The following ULK4 variants were observed in gnomAD, a reference collection of about 807,000 sequenced individuals.
ULK4 encodes inactive serine/threonine-protein kinase ULK4.
ULK4 carries 133 observed loss-of-function variants against 160.6 expected under a neutral mutation model. That is an observed-to-expected ratio of 0.83 (90% CI 0.72 to 0.96). The LOEUF (loss-of-function observed/expected upper bound fraction) is 0.96, where lower values mean the gene tolerates loss of function less well. ULK4 is among the 40% of genes least tolerant of loss of function. ULK4 has a pLI of 0.00. For synonymous variants in ULK4, 534 were observed against 539.8 expected (o/e 0.99, Z 0.15); for missense variants, 1,580 against 1,499.5 (o/e 1.05, Z -0.89).
rs868606517 is a variant in ULK4 at position 41,659,572 on chromosome 3, A to C, written c.3071+4035T>G. ...CACAATGGCAACATTGCAAAGTTTA[A>C]TGAGTTTTGATGGCAAGACTTGCAG... On this transcript the variant is annotated intron_variant, in intron 30 of 36. Coordinates refer to ENST00000301831, the MANE Select transcript of ULK4 (RefSeq NM_017886.4). 3.3e-5 allele frequency among the ~76,000 whole-genome samples: 5 copies of C among 152,216 alleles called. No homozygotes were observed. The East Asian group carries it at 9.6e-4, about 29-fold the overall frequency.
intron 18 of ULK4, among the ~76,000 whole-genome samples, chr3:41,834,940 T>C (rs1186023001): frequency 1.3e-5 from 2 of 152,216 alleles, no homozygotes. Flanking sequence ...TATATATTAA[T>C]ATATGTAAAT....
chr3:41,654,452 A>G (rs2034858282), intron 30 of ULK4, among the ~76,000 whole-genome samples: 1 of 152,238 alleles, frequency 6.6e-6, no homozygotes, highest in South Asian at 2.1e-4. Flanking sequence ...AATCTCAGTG[A>G]AAGAATACAA....
chr3:41,493,638 G>A (rs557267267), intron 32 of ULK4, among the ~76,000 whole-genome samples: 2 of 146,680 alleles, frequency 1.4e-5, no homozygotes, highest in Non-Finnish European at 3.0e-5. Context: ...GGGAATCCAG[G>A]AGCTGGTTTT....
intron 35 of ULK4, among the ~76,000 whole-genome samples, chr3:41,353,537 T>C (rs902737431): frequency 3.3e-5 from 5 of 151,908 alleles, no homozygotes; most frequent in African/African-American, 9.7e-5. Flanking sequence ...GTGTGGTAGC[T>C]CATGACTGTA....
rs149463198 is a variant in ULK4 at position 41,269,565 on chromosome 3, C to A, written c.3679-19991G>T. Among the ~76,000 whole-genome samples the A allele has an allele frequency of 1.2e-4, 19 of 152,228 alleles. No individual in the cohort carries two copies. In the East Asian group the frequency reaches 2.1e-3, roughly 17 times the overall value. On this transcript the variant is annotated intron_variant, in intron 35 of 36. Transcript: ENST00000301831. ...AGTCAGATGCTACTATTATGAGATA[C>A]TTTGGTTCATGATAATGAAACATGA...
At chr3:41,282,111 T>C in intron 35 of ULK4, among the ~76,000 whole-genome samples, 1 of 152,124 alleles carries the variant, frequency 6.6e-6, no homozygotes, top group Non-Finnish European at 1.5e-5. Context: ...CAAGGACCTC[T>C]TCAAGGAGAA....
At chr3:41,522,742 T>A (rs774869858) in intron 32 of ULK4, among the ~76,000 whole-genome samples, 2 of 152,190 alleles carry the variant, frequency 1.3e-5, no homozygotes, top group African/African-American at 4.8e-5. Flanking sequence ...ATTGGTCTGT[T>A]AAATCCAAAT....
intron 17 of ULK4, among the ~76,000 whole-genome samples, chr3:41,837,805 C>T (rs2125655971): frequency 6.6e-6 from 1 of 152,296 alleles, no homozygotes; most frequent in East Asian, 1.9e-4. Flanking sequence ...AAGTGATCCA[C>T]CCACCTCAGC....
intron 22 of ULK4, among the ~76,000 whole-genome samples, chr3:41,747,838 C>G (rs569460384): frequency 6.6e-6 from 1 of 152,034 alleles, no homozygotes; most frequent in Non-Finnish European, 1.5e-5. Flanking sequence ...CTGTCGACAC[C>G]TTGATCTTGG....
intron 32 of ULK4, among the ~76,000 whole-genome samples, chr3:41,471,164 C>T (rs539916398): frequency 5.9e-5 from 9 of 151,972 alleles, no homozygotes; most frequent in African/African-American, 1.9e-4. Flanking sequence ...AAAGATATTC[C>T]ACGCAAAGGG....
At chr3:41,423,978 C>A (rs758081998) in intron 34 of ULK4, among the ~76,000 whole-genome samples, 26 of 152,068 alleles carry the variant, frequency 1.7e-4, no homozygotes, top group Non-Finnish European at 3.1e-4. Context: ...CCTAAGATTA[C>A]GGAGTTCTTG....
At chr3:41,446,549 A>G (rs1303198356) in intron 34 of ULK4, among the ~76,000 whole-genome samples, 1 of 152,076 alleles carries the variant, frequency 6.6e-6, no homozygotes, top group Non-Finnish European at 1.5e-5. Context: ...TGCAGCCATA[A>G]AAAAGGATGA....
intron 35 of ULK4, among the ~76,000 whole-genome samples, chr3:41,290,535 C>A (rs1184503320): frequency 6.6e-6 from 1 of 152,154 alleles, no homozygotes; most frequent in Admixed American, 6.5e-5. Context: ...GCTTCCACCC[C>A]TCAATGATCC....
chr3:41,671,186 T>A (rs2035525632), intron 29 of ULK4, among the ~76,000 whole-genome samples: 1 of 151,696 alleles, frequency 6.6e-6, no homozygotes, highest in Admixed American at 6.6e-5. Flanking sequence ...TACAATGAAA[T>A]CTCTATGAAA....
rs138956768 is a variant in ULK4 at position 41,266,459 on chromosome 3, G to GCACTGAGAC, written c.3679-16894_3679-16886dup. On this transcript the variant is annotated intron_variant, in intron 35 of 36. Transcript: ENST00000301831. ...GGTCTCACAGAGTCAAGGTCCCAGA[G>GCACTGAGAC]CACTGAGACCACTGAGACCAAGAGA... Among the ~76,000 whole-genome samples the GCACTGAGAC allele has an allele frequency of 6.8e-3, 1,035 of 152,268 alleles. 16 individuals carry two copies. The highest frequency in any genetic ancestry group is 0.024 in the African/African-American group (991 of 41,542).
chr3:41,305,117 G>A (rs1418702259), intron 35 of ULK4, among the ~76,000 whole-genome samples: 2 of 152,132 alleles, frequency 1.3e-5, no homozygotes, highest in Non-Finnish European at 2.9e-5. Flanking sequence ...GAGGACAGAA[G>A]CCAGAGCTTG....
intron 17 of ULK4, 56 bp downstream of exon 17, chr3:41,883,818 G>C: frequency 1.4e-6 from 2 of 1,438,934 alleles, no homozygotes; most frequent in Non-Finnish European, 2.0e-6. Flanking sequence ...CTAAATTACA[G>C]AATCAAGAAC....
Position 41,915,116 on chromosome 3 carries a change from TG to T in ULK4, c.803+860del, listed in dbSNP as rs149442729. ...GCATACAGTTATAAATGTAGGGATA[TG>T]TGGATACACCGTCTTAAGTAAATTA... On this transcript the variant is annotated intron_variant, in intron 8 of 36. Coordinates refer to ENST00000301831, the MANE Select transcript of ULK4 (RefSeq NM_017886.4). 8.2e-3 allele frequency among the ~76,000 whole-genome samples: 1,245 copies of T among 152,300 alleles called. 12 individuals carry two copies. The highest frequency in any genetic ancestry group is 0.029 in the African/African-American group (1,198 of 41,566).
chr3:41,782,745 A>G lies in ULK4; in HGVS notation c.2193+6916T>C, dbSNP rs143482419. 1.3e-3 allele frequency among the ~76,000 whole-genome samples: 194 copies of G among 152,326 alleles called. 2 individuals are homozygous for G. The highest frequency in any genetic ancestry group is 9.7e-3 in the Admixed American group (149 of 15,298). On this transcript the variant is annotated intron_variant, in intron 21 of 36. Transcript: ENST00000301831. ...TTTTAAGAAATGAGACTAATTTAGTAACTTTATTTAAAAGTTTATCTTAAG... is the reference window on the plus strand; with the variant it reads ...TTTTAAGAAATGAGACTAATTTAGTGACTTTATTTAAAAGTTTATCTTAAG...
Sources: gnomAD v4.1 joint callset for allele counts (sites outside exome capture counted in the v4.1 genomes callset) on GRCh38, gnomAD v4.1.1 for gene constraint, MANE v1.5 for transcripts, NCBI Gene and HGNC (gene_info 2026-07-23, HGNC 2026-07-21) for gene names.